SAMD12: variants seen among roughly 807,000 people sequenced by gnomAD.
SAMD12 encodes sterile alpha motif domain-containing protein 12.
In SAMD12, 9 loss-of-function variants were observed where a neutral mutation model predicts 15.0. The observed-to-expected ratio is 0.60, with a 90% confidence interval of 0.36 to 1.05. The LOEUF (loss-of-function observed/expected upper bound fraction) is 1.05. Ranked by LOEUF, SAMD12 falls within the 50% of genes least tolerant of loss-of-function variation. SAMD12 has a pLI of 0.01. For missense variants in SAMD12, 230 were observed against 234.2 expected (o/e 0.98, Z 0.12); for synonymous variants, 86 against 90.1 (o/e 0.96, Z 0.25).
rs531263008 is a variant in SAMD12, at chr8:118,457,180, C to T, written c.193-17219G>A. Among the ~76,000 whole-genome samples, 198 of 150,968 alleles carry T rather than the reference C, an allele frequency of 1.3e-3. 1 individual carries two copies. Among genetic ancestry groups the T allele is most frequent in the African/African-American group, 4.4e-3 (183 of 41,174 alleles). ...TTTGTTATTAGTCTTCCTTCTGGTA[C>T]AGCTGCCACTTCCACTACTGCTACT... is the stretch of plus-strand genomic sequence containing the variant. On this transcript the variant is annotated intron_variant, in intron 2 of 3. Coordinates refer to ENST00000314727, the MANE Select transcript of SAMD12 (RefSeq NM_207506.3).
chr8:118,502,562 G>A (rs56306005), intron 2 of SAMD12, among the ~76,000 whole-genome samples: 28,678 of 152,140 alleles, frequency 0.19, 2,861 homozygotes, highest in South Asian at 0.4. Context: ...GCAAGTTAAA[G>A]CACTAATAGT....
Position 118,511,445 on chromosome 8 carries a change from TG to T in SAMD12, c.192+69269del, listed in dbSNP as rs1825077132. 2.1e-5 allele frequency among the ~76,000 whole-genome samples: 3 copies of T among 143,258 alleles called. No individual in the cohort carries two copies. In the South Asian group the frequency reaches 7.9e-4, roughly 38 times the overall value. The allele number at this position is 143,258 out of a possible 152,430, so 94.0% of individuals were successfully genotyped here. A position where few individuals can be genotyped will look rare whatever the true frequency, so the allele number is the denominator to read the frequency against. ...GACAAATTTGGAAACCTCTTGTTTT[TG>T]TTTTTGTTTTTTTTTTAAATGTACG... On this transcript the variant is annotated intron_variant, in intron 2 of 3. Transcript: ENST00000314727.
At chr8:118,485,566 C>T (rs1463001774) in intron 2 of SAMD12, among the ~76,000 whole-genome samples, 1 of 152,132 alleles carries the variant, frequency 6.6e-6, no homozygotes, top group Non-Finnish European at 1.5e-5. Flanking sequence ...CTATAGAAGT[C>T]AATTGGCAAA....
chr8:118,551,857 C>T (rs974968722), intron 2 of SAMD12, among the ~76,000 whole-genome samples: 2 of 151,734 alleles, frequency 1.3e-5, no homozygotes, highest in African/African-American at 4.9e-5. Flanking sequence ...CACCACCGAT[C>T]CCACAGAAAT....
chr8:118,232,647 C>T (rs1249624094), intron 4 of SAMD12, among the ~76,000 whole-genome samples: 3 of 151,992 alleles, frequency 2.0e-5, no homozygotes, highest in African/African-American at 4.8e-5. Flanking sequence ...TTTCCTCCTG[C>T]AAGTGAAGGG....
chr8:118,193,450 T>G (rs1007014344), exon 5 of SAMD12: 1 of 152,226 alleles, frequency 6.6e-6, no homozygotes, highest in East Asian at 1.9e-4. Flanking sequence ...CAGGATTAGA[T>G]TCAGATCTAA....
intron 3 of SAMD12, among the ~76,000 whole-genome samples, chr8:118,425,555 T>G (rs535047328): frequency 6.6e-6 from 1 of 152,122 alleles, no homozygotes; most frequent in South Asian, 2.1e-4. Flanking sequence ...AAACAGGAGT[T>G]TTTTAAAACA....
intron 4 of SAMD12, among the ~76,000 whole-genome samples, chr8:118,233,335 A>G (rs1253864009): frequency 6.6e-6 from 1 of 152,166 alleles, no homozygotes; most frequent in East Asian, 1.9e-4. Flanking sequence ...GACCATGACA[A>G]TTAGGTAGGT....
rs144928205 is a variant in SAMD12 at position 118,522,744 on chromosome 8, G to A, written c.192+57971C>T. On this transcript the variant is annotated intron_variant, in intron 2 of 3. Coordinates refer to ENST00000314727, the MANE Select transcript of SAMD12 (RefSeq NM_207506.3). The stretch of plus-strand genomic sequence containing the variant: ...AACCCAACATGGCTCAATGGAACAA[G>A]CAGTTTTTAATTTCTTTTTTCTTAT... Among the ~76,000 whole-genome samples the A allele has an allele frequency of 6.1e-3, 936 of 152,204 alleles. 7 individuals are homozygous for A. Among genetic ancestry groups the A allele is most frequent in the Middle Eastern group, 0.021 (6 of 292 alleles).
rs960625279 is a variant in SAMD12, at chr8:118,413,216, CTAAT to C, written c.322+26612_322+26615del. 3.3e-5 allele frequency among the ~76,000 whole-genome samples: 5 copies of C among 152,226 alleles called. No homozygotes were observed. The East Asian group carries it at 5.8e-4, about 18-fold the overall frequency. On this transcript the variant is annotated intron_variant, in intron 3 of 3. Transcript: ENST00000314727. ...AATCACCAGGAGACAAACTTGTGAG[CTAAT>C]TAATTATTTATTGTTTTAAGCCACT... is the stretch of plus-strand genomic sequence containing the variant.
At chr8:118,499,836 T>C (rs1176977304) in intron 2 of SAMD12, among the ~76,000 whole-genome samples, 2 of 152,146 alleles carry the variant, frequency 1.3e-5, no homozygotes, top group African/African-American at 2.4e-5. Context: ...CCCAACTTCT[T>C]AGTCCTCAAG....
chr8:118,144,129 G>GT, the SAMD12 span, among the ~76,000 whole-genome samples: 1 of 152,036 alleles, frequency 6.6e-6, no homozygotes, highest in Non-Finnish European at 1.5e-5. Flanking sequence ...CCTTCCGTGT[G>GT]TTTTCTCCTC....
intron 1 of SAMD12, among the ~76,000 whole-genome samples, chr8:118,590,207 A>T (rs1827550665): frequency 6.6e-6 from 1 of 152,228 alleles, no homozygotes; most frequent in Non-Finnish European, 1.5e-5. Context: ...TGTAGATAAT[A>T]ACTGCTTTAC....
chr8:118,280,343 C>A (rs1813589170), intron 4 of SAMD12, among the ~76,000 whole-genome samples: 1 of 152,184 alleles, frequency 6.6e-6, no homozygotes, highest in Non-Finnish European at 1.5e-5. Flanking sequence ...GGAGCACAGT[C>A]ACTCAAAGTG....
chr8:118,182,835 G>C, the SAMD12 span, among the ~76,000 whole-genome samples: 3 of 152,268 alleles, frequency 2.0e-5, no homozygotes, highest in Middle Eastern at 3.4e-3. Context: ...ATGTTGGAAC[G>C]GTGTTTGAAA....
At chr8:118,213,264 G>A (rs1203187161) in intron 4 of SAMD12, among the ~76,000 whole-genome samples, 2 of 152,114 alleles carry the variant, frequency 1.3e-5, no homozygotes, top group Non-Finnish European at 2.9e-5. Flanking sequence ...AGACTTCTTG[G>A]ACCAACAGCA....
intron 2 of SAMD12, among the ~76,000 whole-genome samples, chr8:118,471,490 A>G (rs535307475): frequency 1.3e-5 from 2 of 152,354 alleles, no homozygotes; most frequent in South Asian, 4.1e-4. Context: ...GCACCAAATT[A>G]TAACCAATGT....
At chr8:118,487,512 G>T (rs4876847) in intron 2 of SAMD12, among the ~76,000 whole-genome samples, 14,565 of 152,150 alleles carry the variant, frequency 0.096, 820 homozygotes, top group East Asian at 0.28. Flanking sequence ...ATAACATAGC[G>T]GTTTAGCAAA....
intron 4 of SAMD12, among the ~76,000 whole-genome samples, chr8:118,263,124 T>G (rs1160221263): frequency 6.6e-6 from 1 of 152,078 alleles, no homozygotes. Flanking sequence ...CTATATTTTT[T>G]GATATTTTAA....
Sources: gnomAD v4.1 joint callset for allele counts (sites outside exome capture counted in the v4.1 genomes callset) on GRCh38, gnomAD v4.1.1 for gene constraint, MANE v1.5 for transcripts, NCBI Gene and HGNC (gene_info 2026-07-23, HGNC 2026-07-21) for gene names.